TASP1: variants seen among roughly 807,000 people sequenced by gnomAD.
TASP1 encodes taspase 1.
Under a neutral mutation model 56.6 loss-of-function variants are expected in TASP1, and 16 were observed. The observed-to-expected ratio is 0.28, with a 90% CI of 0.19 to 0.43. TASP1 has a LOEUF of 0.43. Ranked by LOEUF, TASP1 falls within the 20% of genes least tolerant of loss-of-function variation. TASP1 has a pLI of 1.00. For synonymous variants in TASP1, 179 were observed against 184.2 expected (o/e 0.97, Z 0.23); for missense variants, 393 against 511.6 (o/e 0.77, Z 2.24).
At chr20:13,148,503 G>A in the TASP1 span, among the ~76,000 whole-genome samples, 10 of 152,270 alleles carry the variant, frequency 6.6e-5, no homozygotes, top group African/African-American at 1.9e-4. Flanking sequence ...TCACCCCCAC[G>A]AAAAGGTATC....
the TASP1 span, among the ~76,000 whole-genome samples, chr20:13,247,209 C>CA: frequency 3.3e-5 from 5 of 150,790 alleles, no homozygotes; most frequent in African/African-American, 7.3e-5. Context: ...CCAGCCTGGG[C>CA]AAAAAAATGT....
chr20:13,532,871 A>G (rs1210918371), intron 9 of TASP1, among the ~76,000 whole-genome samples: 1 of 152,192 alleles, frequency 6.6e-6, no homozygotes, highest in Non-Finnish European at 1.5e-5. Context: ...CTTGACAAAT[A>G]CACAGGACTT....
chr20:13,175,618 A>T, the TASP1 span, among the ~76,000 whole-genome samples: 1 of 152,234 alleles, frequency 6.6e-6, no homozygotes, highest in African/African-American at 2.4e-5. Context: ...ACTCTGAGAA[A>T]TCATAACCAC....
At chr20:13,339,529 C>T in the TASP1 span, among the ~76,000 whole-genome samples, 456 of 152,320 alleles carry the variant, frequency 3.0e-3, 1 homozygote, top group African/African-American at 0.01. Context: ...TCCTTCATAT[C>T]TCATCCTTAC....
At chr20:13,279,553 C>A in the TASP1 span, 1 of 1,388,928 alleles carries the variant, frequency 7.2e-7, no homozygotes, top group Non-Finnish European at 9.8e-7. Context: ...TCCCTCTGCC[C>A]TCTCAGACTT....
the TASP1 span, among the ~76,000 whole-genome samples, chr20:13,332,241 T>C: frequency 1.3e-5 from 2 of 152,316 alleles, no homozygotes; most frequent in African/African-American, 4.8e-5. Context: ...ATGTATGTTG[T>C]GGGGCCCAGT....
the TASP1 span, among the ~76,000 whole-genome samples, chr20:13,186,853 T>C: frequency 2.0e-5 from 3 of 152,144 alleles, no homozygotes; most frequent in Non-Finnish European, 4.4e-5. Flanking sequence ...GTACAAGGCA[T>C]GCCAAAAGAA....
intron 8 of TASP1, among the ~76,000 whole-genome samples, chr20:13,536,376 T>A (rs1461988940): frequency 6.6e-6 from 1 of 152,222 alleles, no homozygotes; most frequent in Non-Finnish European, 1.5e-5. Flanking sequence ...TATGCCAGTA[T>A]AAAAGATTTA....
chr20:13,497,863 C>T (rs1457135360), intron 10 of TASP1, among the ~76,000 whole-genome samples: 1 of 152,124 alleles, frequency 6.6e-6, no homozygotes, highest in Non-Finnish European at 1.5e-5. Context: ...TTCAACAAAG[C>T]TGACAAAAAT....
At chr20:13,268,114 G>GTCTTCTCTTCTCTTCTCTTCCCTTC in the TASP1 span, among the ~76,000 whole-genome samples, 1 of 140,392 alleles carries the variant, frequency 7.1e-6, no homozygotes, top group East Asian at 2.2e-4. Context: ...CTCCTCTCCT[G>GTCTTCTCTTCTCTTCTCTTCCCTTC]TCTTCTCTTC....
At chr20:13,396,084 G>T (rs2041525086) in intron 13 of TASP1, among the ~76,000 whole-genome samples, 1 of 152,146 alleles carries the variant, frequency 6.6e-6, no homozygotes, top group Non-Finnish European at 1.5e-5. Context: ...GGCTGGGGAA[G>T]TGTGTCTGGT....
the TASP1 span, chr20:13,154,253 A>C: frequency 7.4e-7 from 1 of 1,351,222 alleles, no homozygotes; most frequent in Non-Finnish European, 1.0e-6. Flanking sequence ...TTCAGAATTC[A>C]CTCGTACGGC....
At chr20:13,484,922 T>C (rs1162756361) in intron 10 of TASP1, among the ~76,000 whole-genome samples, 3 of 151,120 alleles carry the variant, frequency 2.0e-5, no homozygotes, top group Non-Finnish European at 2.9e-5. Context: ...TAAGTGGGAG[T>C]TGAACAATGA....
chr20:13,417,898 A>G (rs891816856), intron 12 of TASP1, among the ~76,000 whole-genome samples: 14 of 152,288 alleles, frequency 9.2e-5, no homozygotes, highest in Admixed American at 8.5e-4. Context: ...ACACACATAC[A>G]CACACACCAG....
At chr20:13,443,532 T>C (rs1419919390) in intron 11 of TASP1, among the ~76,000 whole-genome samples, 1 of 152,202 alleles carries the variant, frequency 6.6e-6, no homozygotes, top group Non-Finnish European at 1.5e-5. Flanking sequence ...CTTAAATACC[T>C]AAGTCTGTAA....
At chr20:13,556,310 A>C (rs1046512880) in intron 8 of TASP1, among the ~76,000 whole-genome samples, 1 of 151,982 alleles carries the variant, frequency 6.6e-6, no homozygotes, top group Admixed American at 6.6e-5. Context: ...CATCCCTATC[A>C]CCTACAGTCC....
the TASP1 span, among the ~76,000 whole-genome samples, chr20:13,359,574 G>A: frequency 6.6e-6 from 1 of 150,826 alleles, no homozygotes; most frequent in Non-Finnish European, 1.5e-5. Flanking sequence ...TCTTTTCAAG[G>A]ACCTGTTTCC....
intron 12 of TASP1, among the ~76,000 whole-genome samples, chr20:13,431,686 T>A (rs2042814585): frequency 6.6e-6 from 1 of 152,188 alleles, no homozygotes; most frequent in Admixed American, 6.6e-5. Flanking sequence ...AAAATCCATG[T>A]TGAAACCTAT....
chr20:13,573,933 G>C (rs1254997594), intron 6 of TASP1, among the ~76,000 whole-genome samples: 3 of 152,080 alleles, frequency 2.0e-5, no homozygotes, highest in African/African-American at 7.2e-5. Flanking sequence ...CTGAGTTGAA[G>C]TGACATAGTC....
Sources: allele counts gnomAD v4.1 joint callset (sites outside exome capture counted in the v4.1 genomes callset), GRCh38; gene constraint gnomAD v4.1.1; transcripts MANE v1.5; gene names NCBI Gene and HGNC (gene_info 2026-07-23, HGNC 2026-07-21).